The following NKAIN2 variants were observed in gnomAD, a reference collection of about 807,000 sequenced individuals.
The protein encoded by NKAIN2 is sodium/potassium-transporting ATPase subunit beta-1-interacting protein 2.
NKAIN2 carries 14 observed loss-of-function variants against 32.6 expected under a neutral mutation model. The observed-to-expected ratio is 0.43, with a 90% CI of 0.28 to 0.67. The LOEUF is 0.67. NKAIN2 is among the 30% of genes least tolerant of loss of function. The pLI, the probability that NKAIN2 is intolerant of heterozygous loss-of-function variation, is 0.17. For synonymous variants in NKAIN2, 80 were observed against 87.2 expected (o/e 0.92, Z 0.46); for missense variants, 198 against 258.3 (o/e 0.77, Z 1.60).
chr6:124,618,774 T>C (rs964222139), intron 3 of NKAIN2, among the ~76,000 whole-genome samples: 4 of 152,054 alleles, frequency 2.6e-5, no homozygotes, highest in African/African-American at 9.7e-5. Context: ...AGATGAAAAA[T>C]AGTTAATGGA....
At chr6:124,471,714 A>G (rs1304998026) in intron 3 of NKAIN2, among the ~76,000 whole-genome samples, 1 of 152,178 alleles carries the variant, frequency 6.6e-6, no homozygotes, top group Non-Finnish European at 1.5e-5. Flanking sequence ...CTGTAGATGC[A>G]AAGATACTCA....
At chr6:124,753,791 G>A (rs1161099761) in intron 4 of NKAIN2, among the ~76,000 whole-genome samples, 1 of 151,976 alleles carries the variant, frequency 6.6e-6, no homozygotes, top group Non-Finnish European at 1.5e-5. Flanking sequence ...TGTAATTGGG[G>A]TTAATGGGAT....
At chr6:124,772,354 G>A (rs531867221) in intron 4 of NKAIN2, among the ~76,000 whole-genome samples, 69 of 152,250 alleles carry the variant, frequency 4.5e-4, no homozygotes, top group African/African-American at 1.6e-3. Context: ...CTGTGACAGA[G>A]AGCAAGAGAC....
At chr6:124,562,384 C>T (rs1780728630) in intron 3 of NKAIN2, among the ~76,000 whole-genome samples, 1 of 152,252 alleles carries the variant, frequency 6.6e-6, no homozygotes, top group African/African-American at 2.4e-5. Flanking sequence ...ACATGTGAAA[C>T]TAATTTTTTC....
intron 1 of NKAIN2, among the ~76,000 whole-genome samples, chr6:124,182,016 G>A (rs1378662335): frequency 1.3e-5 from 2 of 152,160 alleles, no homozygotes; most frequent in East Asian, 1.9e-4. Flanking sequence ...ATACATGAGA[G>A]TGGGTAATTT....
At chr6:124,027,139 C>A (rs1781146536) in intron 1 of NKAIN2, among the ~76,000 whole-genome samples, 1 of 137,072 alleles carries the variant, frequency 7.3e-6, no homozygotes, top group Non-Finnish European at 1.6e-5. Context: ...AATTATCACT[C>A]TTTTTTTTTT....
intron 1 of NKAIN2, among the ~76,000 whole-genome samples, chr6:123,848,514 G>C (rs1412386844): frequency 3.3e-5 from 5 of 152,132 alleles, no homozygotes; most frequent in Non-Finnish European, 7.3e-5. Flanking sequence ...CCCTTTGCTT[G>C]GAATTTCTCT....
chr6:123,861,121 G>A (rs1775771614), intron 1 of NKAIN2, among the ~76,000 whole-genome samples: 1 of 152,128 alleles, frequency 6.6e-6, no homozygotes, highest in Non-Finnish European at 1.5e-5. Context: ...GATGTATTAG[G>A]GGCAGATAAT....
At chr6:123,953,932 A>G (rs1416216065) in intron 1 of NKAIN2, among the ~76,000 whole-genome samples, 1 of 152,156 alleles carries the variant, frequency 6.6e-6, no homozygotes, top group Non-Finnish European at 1.5e-5. Context: ...TTTGGCCCCA[A>G]CTGTTGTAGC....
intron 1 of NKAIN2, among the ~76,000 whole-genome samples, chr6:124,019,753 A>G (rs1244424370): frequency 6.6e-6 from 1 of 152,136 alleles, no homozygotes; most frequent in East Asian, 1.9e-4. Context: ...TCATCAGCAT[A>G]CAGATAAATT....
chr6:124,621,832 C>T (rs1783117879), intron 3 of NKAIN2, among the ~76,000 whole-genome samples: 1 of 152,150 alleles, frequency 6.6e-6, no homozygotes, highest in East Asian at 1.9e-4. Flanking sequence ...CCTTTCCTCA[C>T]TGCTTTGGAT....
intron 4 of NKAIN2, among the ~76,000 whole-genome samples, chr6:124,787,122 A>G (rs2114798439): frequency 6.6e-6 from 1 of 152,250 alleles, no homozygotes; most frequent in South Asian, 2.1e-4. Context: ...AGAATGGATT[A>G]CCAGTTCTTG....
intron 3 of NKAIN2, among the ~76,000 whole-genome samples, chr6:124,411,175 A>G (rs1562165941): frequency 6.6e-6 from 1 of 152,112 alleles, no homozygotes; most frequent in African/African-American, 2.4e-5. Flanking sequence ...CATTTAGCCC[A>G]TTTACATTTA....
intron 3 of NKAIN2, among the ~76,000 whole-genome samples, chr6:124,385,283 G>A (rs1246162959): frequency 6.6e-6 from 1 of 152,122 alleles, no homozygotes; most frequent in Non-Finnish European, 1.5e-5. Context: ...TGGACGAGGT[G>A]CCTTGAGAAG....
At chr6:124,524,712 C>T (rs1211267381) in intron 3 of NKAIN2, among the ~76,000 whole-genome samples, 1 of 152,178 alleles carries the variant, frequency 6.6e-6, no homozygotes, top group Non-Finnish European at 1.5e-5. Context: ...ACTCCTGTTT[C>T]AATTTTTTGA....
intron 3 of NKAIN2, among the ~76,000 whole-genome samples, chr6:124,409,245 CGA>C (rs1226717547): frequency 6.6e-6 from 1 of 151,082 alleles, no homozygotes; most frequent in African/African-American, 2.4e-5. Context: ...ATAGGAGTGG[CGA>C]GAGAGGGCAT....
intron 1 of NKAIN2, among the ~76,000 whole-genome samples, chr6:123,816,826 C>G (rs1773712942): frequency 6.6e-6 from 1 of 152,150 alleles, no homozygotes; most frequent in Non-Finnish European, 1.5e-5. Context: ...AAGAGGAACA[C>G]TTCATGGATG....
chr6:124,187,122 GTTTCC>G (rs1417482631), intron 1 of NKAIN2, among the ~76,000 whole-genome samples: 1 of 151,996 alleles, frequency 6.6e-6, no homozygotes. Flanking sequence ...TATTTTCTTT[GTTTCC>G]TTTTTTCTCA....
chr6:124,000,915 C>T (rs960751532), intron 1 of NKAIN2, among the ~76,000 whole-genome samples: 5 of 152,066 alleles, frequency 3.3e-5, no homozygotes, highest in African/African-American at 1.2e-4. Context: ...GGTTAATTGT[C>T]TCTCTGCTGC....
Sources: allele counts gnomAD v4.1 joint callset (sites outside exome capture counted in the v4.1 genomes callset), GRCh38; gene constraint gnomAD v4.1.1; transcripts MANE v1.5; gene names NCBI Gene and HGNC (gene_info 2026-07-23, HGNC 2026-07-21).